The following FRMD4A variants were observed in gnomAD, a reference collection of about 807,000 sequenced individuals.
FRMD4A encodes the protein FERM domain containing 4A.
A neutral mutation model predicts 129.1 loss-of-function variants in FRMD4A; 29 were observed. The observed-to-expected ratio is 0.22, with a 90% CI of 0.17 to 0.31. The LOEUF (loss-of-function observed/expected upper bound fraction) is 0.31, where lower values mean the gene tolerates loss of function less well. Among genes scored for constraint, FRMD4A ranks in the 10% least tolerant of loss-of-function variants. FRMD4A has a pLI of 1.00. For missense variants in FRMD4A, 1,272 were observed against 1,375.8 expected (o/e 0.92, Z 1.19); for synonymous variants, 634 against 571.6 (o/e 1.11, Z -1.56).
intron 2 of FRMD4A, among the ~76,000 whole-genome samples, chr10:13,988,964 C>A (rs939494263): frequency 8.5e-5 from 13 of 152,184 alleles, no homozygotes; most frequent in Non-Finnish European, 1.5e-4. Flanking sequence ...TTTAGTAAAA[C>A]CCCCAGATGA....
intron 2 of FRMD4A, among the ~76,000 whole-genome samples, chr10:13,926,031 C>T (rs933231961): frequency 4.6e-5 from 7 of 152,064 alleles, no homozygotes; most frequent in Non-Finnish European, 7.4e-5. Context: ...TCCTATTAGG[C>T]GTCTGTTCAT....
intron 2 of FRMD4A, among the ~76,000 whole-genome samples, chr10:14,217,123 C>A (rs1223907755): frequency 6.6e-6 from 1 of 152,206 alleles, no homozygotes; most frequent in Non-Finnish European, 1.5e-5. Context: ...TTAGTTTAAA[C>A]ATTTTACTAT....
intron 2 of FRMD4A, among the ~76,000 whole-genome samples, chr10:14,269,291 G>T (rs1283367601): frequency 6.6e-6 from 1 of 152,144 alleles, no homozygotes; most frequent in Non-Finnish European, 1.5e-5. Flanking sequence ...AATCATCCAT[G>T]GTTGTATTCA....
chr10:13,819,498 GGCACATGTGCTCTTGT>G (rs1283384874), intron 3 of FRMD4A, among the ~76,000 whole-genome samples: 1 of 151,980 alleles, frequency 6.6e-6, no homozygotes, highest in Non-Finnish European at 1.5e-5. Context: ...AGTCACACTT[GGCACATGTGCTCTTGT>G]GTTGTGGTAA....
At chr10:14,093,726 G>C (rs1160147901) in intron 2 of FRMD4A, among the ~76,000 whole-genome samples, 1 of 130,008 alleles carries the variant, frequency 7.7e-6, no homozygotes, top group Non-Finnish European at 1.7e-5. Flanking sequence ...TCATTTAATA[G>C]AGACTAGATA....
intron 2 of FRMD4A, among the ~76,000 whole-genome samples, chr10:13,979,224 T>A (rs1335907782): frequency 6.6e-6 from 1 of 152,160 alleles, no homozygotes; most frequent in East Asian, 1.9e-4. Context: ...TTGTTTTGTT[T>A]AGGGGTTACA....
chr10:13,946,445 C>T (rs753379674), intron 2 of FRMD4A, among the ~76,000 whole-genome samples: 3 of 152,188 alleles, frequency 2.0e-5, no homozygotes, highest in Admixed American at 1.3e-4. Flanking sequence ...CCTATGTCAT[C>T]GTCACTTGTT....
intron 2 of FRMD4A, among the ~76,000 whole-genome samples, chr10:14,312,074 G>C (rs1846568313): frequency 6.6e-6 from 1 of 152,122 alleles, no homozygotes; most frequent in Non-Finnish European, 1.5e-5. Flanking sequence ...AAATTAATTT[G>C]ATCTTTGAAA....
intron 8 of FRMD4A, among the ~76,000 whole-genome samples, chr10:13,760,870 CTT>C (rs34812449): frequency 3.4e-4 from 49 of 144,140 alleles, no homozygotes; most frequent in African/African-American, 6.9e-4. Flanking sequence ...CTACCCTGGC[CTT>C]TTTTTTTTTT....
intron 3 of FRMD4A, among the ~76,000 whole-genome samples, chr10:13,847,500 C>A (rs908482004): frequency 6.6e-6 from 1 of 152,150 alleles, no homozygotes; most frequent in Non-Finnish European, 1.5e-5. Flanking sequence ...GGCTCGCTCG[C>A]TCCCTCCCTC....
chr10:13,747,298 C>T (rs1248935467), intron 9 of FRMD4A, among the ~76,000 whole-genome samples: 3 of 151,862 alleles, frequency 2.0e-5, no homozygotes, highest in Admixed American at 6.6e-5. Flanking sequence ...TTTGGGAGGC[C>T]GAGGCAAGCG....
intron 2 of FRMD4A, among the ~76,000 whole-genome samples, chr10:14,159,413 G>A (rs575442327): frequency 6.4e-4 from 98 of 152,196 alleles, no homozygotes; most frequent in Non-Finnish European, 1.1e-3. Context: ...ATTTAACAAA[G>A]GAGGTGAAAG....
At chr10:13,737,768 A>G in intron 12 of FRMD4A, 76 bp downstream of exon 12, 3 of 816,972 alleles carry the variant, frequency 3.7e-6, no homozygotes, top group Admixed American at 3.9e-5. Context: ...TGGCGTTAGC[A>G]TTTTTAAAGT....
At chr10:14,037,980 A>G (rs556264975) in intron 2 of FRMD4A, among the ~76,000 whole-genome samples, 3 of 152,342 alleles carry the variant, frequency 2.0e-5, no homozygotes, top group Non-Finnish European at 4.4e-5. Context: ...ACAAGCTAAT[A>G]ATTAAGAGAA....
At chr10:14,192,895 G>A (rs1233834185) in intron 2 of FRMD4A, among the ~76,000 whole-genome samples, 1 of 152,132 alleles carries the variant, frequency 6.6e-6, no homozygotes, top group Non-Finnish European at 1.5e-5. Flanking sequence ...ACACCAATAG[G>A]GTGCAGTTGT....
At chr10:13,732,029 G>C (rs2090353825) in intron 12 of FRMD4A, among the ~76,000 whole-genome samples, 1 of 152,138 alleles carries the variant, frequency 6.6e-6, no homozygotes, top group Non-Finnish European at 1.5e-5. Context: ...CCAGCAGCTT[G>C]CATTGAGGGC....
chr10:13,951,684 G>T (rs1022471710), intron 2 of FRMD4A, among the ~76,000 whole-genome samples: 7 of 151,966 alleles, frequency 4.6e-5, no homozygotes, highest in Admixed American at 1.3e-4. Flanking sequence ...GAGGTCAGTA[G>T]TTCAAGACGA....
intron 2 of FRMD4A, among the ~76,000 whole-genome samples, chr10:13,985,228 C>A (rs1341432116): frequency 6.6e-6 from 1 of 152,256 alleles, no homozygotes; most frequent in East Asian, 1.9e-4. Context: ...CCCCTAGGCC[C>A]CAGCCTCGCC....
chr10:13,658,136 A>T (rs1405820984), intron 21 of FRMD4A, among the ~76,000 whole-genome samples: 1,782 of 148,110 alleles, frequency 0.012, 42 homozygotes, highest in African/African-American at 0.04. Flanking sequence ...CTCTCTTAAA[A>T]AAAAAAAAAA....
Sources: gnomAD v4.1 joint callset for allele counts (sites outside exome capture counted in the v4.1 genomes callset) on GRCh38, gnomAD v4.1.1 for gene constraint, MANE v1.5 for transcripts, NCBI Gene and HGNC (gene_info 2026-07-23, HGNC 2026-07-21) for gene names.